The following SV2C variants were observed in gnomAD, a reference collection of about 807,000 sequenced individuals.
SV2C encodes synaptic vesicle glycoprotein 2C, also known as solute carrier family 22 member B3.
A neutral mutation model predicts 79.7 loss-of-function variants in SV2C; 49 were observed. The observed-to-expected ratio is 0.61, with a 90% CI of 0.49 to 0.78. SV2C has a LOEUF of 0.78. Among genes scored for constraint, SV2C ranks in the 30% least tolerant of loss-of-function variants. The pLI is 0.00. For synonymous variants in SV2C, 334 were observed against 333.2 expected (o/e 1.00, Z -0.03); for missense variants, 833 against 912.9 (o/e 0.91, Z 1.13).
the SV2C span, chr5:75,911,087 CG>C: frequency 2.9e-6 from 4 of 1,398,924 alleles, no homozygotes. Context: ...TGATGCAGCC[CG>C]GGGGAAGATA....
chr5:75,936,643 A>T, the SV2C span, among the ~76,000 whole-genome samples: 2 of 152,216 alleles, frequency 1.3e-5, no homozygotes, highest in Non-Finnish European at 2.9e-5. Flanking sequence ...AAAGACAGCC[A>T]TTATATGTTA....
At chr5:75,870,861 G>A in the SV2C span, among the ~76,000 whole-genome samples, 8 of 152,286 alleles carry the variant, frequency 5.3e-5, no homozygotes, top group African/African-American at 1.7e-4. Flanking sequence ...AGAGTGGCAC[G>A]ACATATTTAA....
In SV2C at chr5:76,316,747, TCTC is replaced by T. The variant is rs945964986; in HGVS notation, c.2001-8614_2001-8612del. ...AACACCCCTATCCACATGCCATCCT[TCTC>T]CTGGCAAGCTCCTACTATTCCTTTC... is the stretch of plus-strand genomic sequence containing the variant. On this transcript the variant is annotated intron_variant, in intron 12 of 12. Transcript: ENST00000502798. Among the ~76,000 whole-genome samples the T allele has an allele frequency of 9.2e-5, 14 of 151,982 alleles. 1 individual carries two copies. Among genetic ancestry groups the T allele is most frequent in the Admixed American group, 7.9e-4 (12 of 15,242 alleles).
chr5:75,983,496 G>A, the SV2C span, among the ~76,000 whole-genome samples: 1 of 151,760 alleles, frequency 6.6e-6, no homozygotes, highest in African/African-American at 2.4e-5. Flanking sequence ...TGCAGAAGAT[G>A]ATAATTGTAG....
intron 4 of SV2C, among the ~76,000 whole-genome samples, chr5:76,263,446 G>C (rs1318493259): frequency 6.6e-6 from 1 of 151,844 alleles, no homozygotes; most frequent in Non-Finnish European, 1.5e-5. Context: ...TTTTAACTGG[G>C]GCATTTAGCC....
At chr5:75,939,616 C>T in the SV2C span, among the ~76,000 whole-genome samples, 4 of 152,278 alleles carry the variant, frequency 2.6e-5, no homozygotes, top group Admixed American at 1.3e-4. Context: ...TGTGCATTTC[C>T]TTAACCTCAC....
chr5:76,310,247 A>G (rs1379916144), intron 12 of SV2C, among the ~76,000 whole-genome samples: 1 of 152,236 alleles, frequency 6.6e-6, no homozygotes, highest in Non-Finnish European at 1.5e-5. Flanking sequence ...GCTGTAGAGA[A>G]AAATAAAGCT....
the SV2C span, among the ~76,000 whole-genome samples, chr5:75,870,306 A>G: frequency 6.6e-6 from 1 of 152,026 alleles, no homozygotes; most frequent in African/African-American, 2.4e-5. Flanking sequence ...AATTTAACAA[A>G]AAGATTGAAA....
At chr5:76,231,387 C>T (rs1745412996) in intron 4 of SV2C, among the ~76,000 whole-genome samples, 1 of 151,962 alleles carries the variant, frequency 6.6e-6, no homozygotes, top group Admixed American at 6.6e-5. Context: ...TGAAAAGATC[C>T]AGGAGTTAAT....
At chr5:75,926,064 A>C in the SV2C span, among the ~76,000 whole-genome samples, 197 of 152,318 alleles carry the variant, frequency 1.3e-3, 2 homozygotes, top group Admixed American at 1.5e-3. Flanking sequence ...TTAAGATCTC[A>C]CTTAACTGCG....
At chr5:75,936,525 A>G in the SV2C span, among the ~76,000 whole-genome samples, 6 of 152,176 alleles carry the variant, frequency 3.9e-5, no homozygotes, top group Non-Finnish European at 8.8e-5. Context: ...AGTGCAGCCA[A>G]TTTTATATCT....
At chr5:76,001,453 T>A in the SV2C span, among the ~76,000 whole-genome samples, 1,155 of 152,084 alleles carry the variant, frequency 7.6e-3, 22 homozygotes, top group African/African-American at 0.026. Context: ...ATACAAAAAA[T>A]TAGCCTGGCG....
chr5:75,878,535 C>A, the SV2C span, among the ~76,000 whole-genome samples: 1 of 152,154 alleles, frequency 6.6e-6, no homozygotes, highest in East Asian at 1.9e-4. Context: ...TTTATTAAAA[C>A]CCCAAAATAA....
intron 2 of SV2C, among the ~76,000 whole-genome samples, chr5:76,166,884 C>G (rs1408044047): frequency 2.0e-5 from 3 of 152,158 alleles, no homozygotes; most frequent in Non-Finnish European, 4.4e-5. Flanking sequence ...GGTAAAGAGT[C>G]CTTCTCTTCA....
the SV2C span, among the ~76,000 whole-genome samples, chr5:76,022,853 C>T: frequency 6.6e-6 from 1 of 152,184 alleles, no homozygotes; most frequent in Non-Finnish European, 1.5e-5. Context: ...ATGCAGTTTT[C>T]CAATGCATAT....
the SV2C span, among the ~76,000 whole-genome samples, chr5:75,958,723 T>C: frequency 1.1e-4 from 16 of 152,042 alleles, no homozygotes; most frequent in East Asian, 7.8e-4. Context: ...TCTCCGTTTC[T>C]TTTTGAGACT....
Position 76,177,151 on chromosome 5 carries a change from G to C in SV2C, c.581-17768G>C, listed in dbSNP as rs1289604403. 4.7e-5 allele frequency among the ~76,000 whole-genome samples: 7 copies of C among 148,194 alleles called. No individual in the cohort carries two copies. The Admixed American group carries it at 4.7e-4, about 10-fold the overall frequency. On this transcript the variant is annotated intron_variant, in intron 2 of 12. Coordinates refer to ENST00000502798, the MANE Select transcript of SV2C (RefSeq NM_014979.4). Reference sequence around the variant, plus strand: ...AACAAAAAACAGAAAGTACAGAAGTGTATATATTTAATAATCAATTATATT... The same window carrying C: ...AACAAAAAACAGAAAGTACAGAAGTCTATATATTTAATAATCAATTATATT...
the SV2C span, among the ~76,000 whole-genome samples, chr5:75,925,160 C>T: frequency 6.6e-6 from 1 of 152,156 alleles, no homozygotes; most frequent in African/African-American, 2.4e-5. Flanking sequence ...AATAAATCCC[C>T]CAGTCCTGGA....
the SV2C span, among the ~76,000 whole-genome samples, chr5:76,052,609 TG>T: frequency 6.1e-4 from 93 of 152,300 alleles, no homozygotes; most frequent in South Asian, 4.6e-3. Flanking sequence ...GCCAGGGTGC[TG>T]GAGGAAAGGA....
Sources: gnomAD v4.1 joint callset for allele counts (sites outside exome capture counted in the v4.1 genomes callset) on GRCh38, gnomAD v4.1.1 for gene constraint, MANE v1.5 for transcripts, NCBI Gene and HGNC (gene_info 2026-07-23, HGNC 2026-07-21) for gene names.